The following OSBPL10 variants were observed in gnomAD, a reference collection of about 807,000 sequenced individuals.
OSBPL10 encodes oxysterol-binding protein-related protein 10.
OSBPL10 carries 49 observed loss-of-function variants against 81.7 expected under a neutral mutation model. The observed-to-expected ratio is 0.60, with a 90% CI of 0.48 to 0.76. OSBPL10 has a LOEUF of 0.76. OSBPL10 is among the 30% of genes least tolerant of loss of function. The probability of loss-of-function intolerance (pLI) is 0.00; values close to 1 mark genes in which losing one functional copy is unlikely to be tolerated. For missense variants in OSBPL10, 923 were observed against 987.8 expected (o/e 0.93, Z 0.88); for synonymous variants, 419 against 383.6 (o/e 1.09, Z -1.08).
chr3:31,912,561 C>G (rs902764707), intron 1 of OSBPL10, among the ~76,000 whole-genome samples: 4 of 152,098 alleles, frequency 2.6e-5, no homozygotes, highest in African/African-American at 9.7e-5. Flanking sequence ...CCAAGAAGCT[C>G]TCGCCCTCTT....
chr3:32,075,248 C>T (rs904826000), intron 1 of OSBPL10, among the ~76,000 whole-genome samples: 3 of 152,238 alleles, frequency 2.0e-5, no homozygotes, highest in Admixed American at 2.0e-4. Context: ...TTGATTTACT[C>T]ACTGCTGAAA....
intron 2 of OSBPL10, among the ~76,000 whole-genome samples, chr3:31,878,854 C>T (rs1031779167): frequency 1.3e-4 from 19 of 144,488 alleles, no homozygotes; most frequent in Non-Finnish European, 2.8e-4. Flanking sequence ...TGTGTGCATG[C>T]ACTTGTGGGC....
chr3:31,951,805 A>T (rs1697876618), intron 1 of OSBPL10, among the ~76,000 whole-genome samples: 1 of 152,038 alleles, frequency 6.6e-6, no homozygotes, highest in African/African-American at 2.4e-5. Flanking sequence ...AAGGTAGGAT[A>T]ACTTTACACA....
At chr3:31,886,729 C>T (rs1003510736) in intron 1 of OSBPL10, among the ~76,000 whole-genome samples, 14 of 152,154 alleles carry the variant, frequency 9.2e-5, no homozygotes, top group Admixed American at 8.5e-4. Context: ...ATCACGAGGT[C>T]AGGAGTTCGA....
intron 1 of OSBPL10, among the ~76,000 whole-genome samples, chr3:31,887,815 ATCT>A (rs765356728): frequency 5.9e-5 from 9 of 152,170 alleles, no homozygotes; most frequent in Non-Finnish European, 2.9e-5. Context: ...AAAATCTGGA[ATCT>A]TCTTAACTCT....
chr3:31,732,280 T>C (rs1047320564), intron 6 of OSBPL10, among the ~76,000 whole-genome samples: 16 of 150,836 alleles, frequency 1.1e-4, no homozygotes, highest in Non-Finnish European at 2.4e-4. Context: ...GGCAGGCTAA[T>C]CTGACTTTAT....
At chr3:31,949,584 C>T (rs901740283) in intron 1 of OSBPL10, among the ~76,000 whole-genome samples, 23 of 137,454 alleles carry the variant, frequency 1.7e-4, no homozygotes, top group Admixed American at 6.6e-4. Context: ...AGGAGAATCA[C>T]GTGAACCCGG....
chr3:31,727,451 T>G (rs555723838), intron 6 of OSBPL10, among the ~76,000 whole-genome samples: 1 of 152,156 alleles, frequency 6.6e-6, no homozygotes, highest in African/African-American at 2.4e-5. Context: ...TGTTTGATGA[T>G]GAGAGATGAG....
chr3:31,860,867 T>G (rs1213989469), intron 3 of OSBPL10, among the ~76,000 whole-genome samples: 61 of 133,424 alleles, frequency 4.6e-4, no homozygotes, highest in Middle Eastern at 3.6e-3. Context: ...GTTTTTTTTT[T>G]TGGGTTTTTT....
At chr3:32,073,294 A>G (rs915750875) in intron 1 of OSBPL10, among the ~76,000 whole-genome samples, 1 of 152,092 alleles carries the variant, frequency 6.6e-6, no homozygotes, top group Non-Finnish European at 1.5e-5. Flanking sequence ...CCTACTCCAG[A>G]TTCCCAGCCA....
intron 1 of OSBPL10, among the ~76,000 whole-genome samples, chr3:31,934,142 A>C (rs1015874230): frequency 5.9e-5 from 9 of 151,804 alleles, no homozygotes. Flanking sequence ...GCATAAACTA[A>C]TTACAAAGGC....
intron 4 of OSBPL10, among the ~76,000 whole-genome samples, chr3:31,818,372 T>C (rs945184971): frequency 2.0e-5 from 3 of 152,190 alleles, no homozygotes; most frequent in Non-Finnish European, 4.4e-5. Flanking sequence ...CCCTGCAGAT[T>C]TTGAAGTTGC....
At chr3:32,045,979 AAAC>A (rs1416313628) in intron 2 of OSBPL10, 1 of 152,272 alleles carries the variant, frequency 6.6e-6, no homozygotes, top group Non-Finnish European at 1.5e-5. Context: ...ACCAGTCAAC[AAAC>A]AACAAACAAA....
chr3:31,783,101 A>T (rs1420957792), intron 4 of OSBPL10, among the ~76,000 whole-genome samples: 1 of 139,056 alleles, frequency 7.2e-6, no homozygotes, highest in African/African-American at 2.8e-5. Context: ...TATCTATATC[A>T]ATATATCTAT....
chr3:31,856,258 T>A (rs564625924), intron 3 of OSBPL10, among the ~76,000 whole-genome samples: 96 of 152,124 alleles, frequency 6.3e-4, no homozygotes, highest in African/African-American at 2.3e-3. Flanking sequence ...TTAAGACAAT[T>A]AAAAAAATCC....
At chr3:32,055,409 G>T (rs9861098) in intron 1 of OSBPL10, among the ~76,000 whole-genome samples, 2 of 151,452 alleles carry the variant, frequency 1.3e-5, no homozygotes, top group Admixed American at 6.6e-5. Flanking sequence ...TCACCATGTT[G>T]GCCAGGCTGG....
chr3:31,922,830 A>G (rs1445944194), intron 1 of OSBPL10, among the ~76,000 whole-genome samples: 1 of 152,070 alleles, frequency 6.6e-6, no homozygotes, highest in Non-Finnish European at 1.5e-5. Flanking sequence ...CACACTGCAC[A>G]CCAATCTGGC....
intron 4 of OSBPL10, among the ~76,000 whole-genome samples, chr3:31,820,192 T>C (rs1181878060): frequency 6.6e-6 from 1 of 152,174 alleles, no homozygotes. Flanking sequence ...CCCAGGTACT[T>C]GGTAAGATCC....
At chr3:31,666,202 G>A (rs1056486474) in intron 10 of OSBPL10, among the ~76,000 whole-genome samples, 1 of 152,222 alleles carries the variant, frequency 6.6e-6, no homozygotes, top group Non-Finnish European at 1.5e-5. Flanking sequence ...CCTGGGTGCT[G>A]GCTCTGCCTT....
Sources: allele counts gnomAD v4.1 joint callset (sites outside exome capture counted in the v4.1 genomes callset), GRCh38; gene constraint gnomAD v4.1.1; transcripts MANE v1.5; gene names NCBI Gene and HGNC (gene_info 2026-07-23, HGNC 2026-07-21).